Variants in PCDHGA2 observed in about 807,000 individuals in gnomAD.
The protein encoded by PCDHGA2 is protocadherin gamma subfamily A, 2.
Under a neutral mutation model 59.2 loss-of-function variants are expected in PCDHGA2, and 40 were observed. That is an observed-to-expected ratio of 0.68 (90% CI 0.52 to 0.88). The LOEUF (loss-of-function observed/expected upper bound fraction) is 0.88, where lower values mean the gene tolerates loss of function less well. PCDHGA2 is among the 40% of genes least tolerant of loss of function. The probability of loss-of-function intolerance (pLI) is 0.00; values close to 1 mark genes in which losing one functional copy is unlikely to be tolerated. For synonymous variants in PCDHGA2, 560 were observed against 526.0 expected (o/e 1.06, Z -0.89); for missense variants, 1,226 against 1,204.0 (o/e 1.02, Z -0.27).
intron 2 of PCDHGA2, among the ~76,000 whole-genome samples, chr5:141,498,601 G>A (rs2099784606): frequency 6.6e-6 from 1 of 152,126 alleles, no homozygotes; most frequent in African/African-American, 2.4e-5. Flanking sequence ...CTTGGTTCAA[G>A]TTCAAGTCAG....
At chr5:141,404,015 C>T in intron 1 of PCDHGA2, 1 of 1,613,622 alleles carries the variant, frequency 6.2e-7, no homozygotes. Context: ...TCTGTTTAGC[C>T]CAGTGAGAGA....
intron 1 of PCDHGA2, among the ~76,000 whole-genome samples, chr5:141,381,246 A>G (rs2150176708): frequency 6.6e-6 from 1 of 152,374 alleles, no homozygotes; most frequent in Non-Finnish European, 1.5e-5. Context: ...TCCAGGACCT[A>G]GAAGAATTTA....
chr5:141,420,505 T>C (rs923726040), intron 1 of PCDHGA2: 4 of 457,906 alleles, frequency 8.7e-6, no homozygotes, highest in Middle Eastern at 6.0e-4. Context: ...GGTGACATTT[T>C]TATGAAGTAA....
rs557167321 is a variant in PCDHGA2 at position 141,352,806 on chromosome 5, A to G, written c.2424+11411A>G. 4.4e-4 allele frequency: 383 copies of G among 875,296 alleles called. No individual in the cohort carries two copies. In the East Asian group the frequency reaches 5.9e-3, roughly 14 times the overall value. 54.2% of individuals were successfully genotyped at this position (875,296 alleles called of 1,614,324 possible). A position where few individuals can be genotyped will look rare whatever the true frequency, so the allele number is the denominator to read the frequency against. On this transcript the variant is annotated intron_variant, in intron 1 of 3. Coordinates refer to ENST00000394576, the MANE Select transcript of PCDHGA2 (RefSeq NM_018915.4). ...GGAGTTTGAGACCAGCATAGCCAAG[A>G]TGGTAAAACCCGGTCTACTAAAATT...
intron 1 of PCDHGA2, among the ~76,000 whole-genome samples, chr5:141,354,044 T>C (rs1441545131): frequency 6.6e-6 from 1 of 152,238 alleles, no homozygotes; most frequent in African/African-American, 2.4e-5. Flanking sequence ...CGATGGCACA[T>C]GCAATGATAA....
At chr5:141,365,447 G>C in intron 1 of PCDHGA2, 2 of 1,614,034 alleles carry the variant, frequency 1.2e-6, no homozygotes, top group Non-Finnish European at 1.7e-6. Flanking sequence ...TAGCGTACAT[G>C]ATGGTGATTC....
chr5:141,407,505 T>TTTTTTTTTTTTTTTTTTTTTTG (rs1460306566), intron 1 of PCDHGA2, among the ~76,000 whole-genome samples: 3 of 152,144 alleles, frequency 2.0e-5, no homozygotes, highest in African/African-American at 4.8e-5. Flanking sequence ...CTGTTTTTCT[T>TTTTTTTTTTTTTTTTTTTTTTG]AGGCTATGTA....
At chr5:141,502,925 C>T (rs962871271) in intron 2 of PCDHGA2, among the ~76,000 whole-genome samples, 5 of 145,518 alleles carry the variant, frequency 3.4e-5, no homozygotes, top group Non-Finnish European at 5.9e-5. Flanking sequence ...GCAGTGGCAA[C>T]CTTCACCTCC....
At chr5:141,376,331 C>T (rs757952080) in intron 1 of PCDHGA2, 2 of 1,614,078 alleles carry the variant, frequency 1.2e-6, no homozygotes, top group East Asian at 2.2e-5. Context: ...TCGGGCTTTC[C>T]TGCAGACCTA....
At chr5:141,492,859 C>G (rs966216924) in intron 1 of PCDHGA2, among the ~76,000 whole-genome samples, 1 of 152,232 alleles carries the variant, frequency 6.6e-6, no homozygotes, top group Non-Finnish European at 1.5e-5. Context: ...CTCGAGCGCC[C>G]TGGCTCTCAA....
chr5:141,365,804 G>T, intron 1 of PCDHGA2: 1 of 1,613,872 alleles, frequency 6.2e-7, no homozygotes, highest in African/African-American at 1.3e-5. Context: ...CTACTCCCTG[G>T]CTGAAGACAC....
intron 1 of PCDHGA2, chr5:141,384,514 G>A: frequency 1.2e-6 from 2 of 1,614,194 alleles, no homozygotes; most frequent in Non-Finnish European, 1.7e-6. Flanking sequence ...TGACAGCGGG[G>A]ACCCGCCTCT....
At chr5:141,344,964 G>A (rs1757497477) in intron 1 of PCDHGA2, 1 of 1,613,718 alleles carries the variant, frequency 6.2e-7, no homozygotes, top group Non-Finnish European at 8.5e-7. Flanking sequence ...AGATTATGAG[G>A]ATGCCATGTT....
chr5:141,366,049 G>T (rs542025009), intron 1 of PCDHGA2: 28 of 1,614,244 alleles, frequency 1.7e-5, no homozygotes, highest in African/African-American at 4.0e-5. Context: ...ACGGTTCCAC[G>T]GGCGTGGAGC....
At chr5:141,360,955 A>G in intron 1 of PCDHGA2, 1 of 1,613,952 alleles carries the variant, frequency 6.2e-7, no homozygotes, top group Non-Finnish European at 8.5e-7. Context: ...TGAAGGCATA[A>G]ACGCAGAGAT....
rs1028782991 is a variant in PCDHGA2, at chr5:141,503,926, C to T, written c.2484-1467C>T. 2.6e-5 allele frequency among the ~76,000 whole-genome samples: 4 copies of T among 152,196 alleles called. No individual in the cohort carries two copies. The East Asian group carries it at 7.7e-4, about 29-fold the overall frequency. ...ACACACAACGCAACACACACACAGA[C>T]ATTTTCATGCCTTCAAGGCCTACCC... On this transcript the variant is annotated intron_variant, in intron 2 of 3. Coordinates refer to ENST00000394576, the MANE Select transcript of PCDHGA2 (RefSeq NM_018915.4).
chr5:141,398,829 C>G (rs1020690994), intron 1 of PCDHGA2: 2 of 1,613,876 alleles, frequency 1.2e-6, no homozygotes, highest in African/African-American at 1.3e-5. Context: ...AGGTAACCGA[C>G]GCCAATGATA....
At chr5:141,375,326 G>C (rs1771348524) in intron 1 of PCDHGA2, 1 of 1,613,776 alleles carries the variant, frequency 6.2e-7, no homozygotes. Flanking sequence ...CCGGGAAGAG[G>C]TATTCTTGTA....
intron 1 of PCDHGA2, chr5:141,357,850 C>A: frequency 1.6e-6 from 1 of 608,648 alleles, no homozygotes. Context: ...TAGTTTCAGC[C>A]AGAATTTTCT....
Sources: gnomAD v4.1 joint callset for allele counts (sites outside exome capture counted in the v4.1 genomes callset) on GRCh38, gnomAD v4.1.1 for gene constraint, MANE v1.5 for transcripts, NCBI Gene and HGNC (gene_info 2026-07-23, HGNC 2026-07-21) for gene names.